Variants in AGMO observed in about 807,000 individuals in gnomAD.
AGMO encodes the protein glyceryl-ether monooxygenase.
A neutral mutation model predicts 60.2 loss-of-function variants in AGMO; 75 were observed. That is an observed-to-expected ratio of 1.25 (90% CI 1.03 to 1.51). AGMO has a LOEUF of 1.51. AGMO is among the 40% of genes most tolerant of loss of function. The pLI is 0.00. For synonymous variants in AGMO, 261 were observed against 177.1 expected (o/e 1.47, Z -3.76); for missense variants, 763 against 525.5 (o/e 1.45, Z -4.42).
chr7:15,394,145 A>T lies in AGMO; in HGVS notation c.644T>A (p.Leu215His). The T allele has an allele frequency of 2.5e-6, 4 of 1,612,664 alleles. No individual in the cohort carries two copies. The highest frequency in any genetic ancestry group is 3.4e-6 in the Non-Finnish European group (4 of 1,178,862). Reference sequence around the variant, plus strand: ...AACCCTATGATGGCTAGGAGTATTAAGAATCAGTTCCAAAGGACCAAGGTT... The same window carrying T: ...AACCCTATGATGGCTAGGAGTATTATGAATCAGTTCCAAAGGACCAAGGTT... The part of the protein sequence containing the change: ...INNLGPLELI[L>H]NTPSHHRVHH... The change falls in exon 6 of 13, where the codon CTT becomes CAT. Residue 215 changes from leucine to histidine, a missense_variant. Coordinates refer to ENST00000342526, the MANE Select transcript of AGMO (RefSeq NM_001004320.2).
rs1028956507 is a variant in AGMO, at chr7:15,328,181, T to G, written c.1263+37333A>C. Among the ~76,000 whole-genome samples the G allele has an allele frequency of 3.3e-5, 5 of 152,004 alleles. No individual in the cohort carries two copies. The East Asian group carries it at 9.7e-4, about 30-fold the overall frequency. On this transcript the variant is annotated intron_variant, in intron 12 of 12. Coordinates refer to ENST00000342526, the MANE Select transcript of AGMO (RefSeq NM_001004320.2). ...GGCACAATTTTGTCTCACTGCAACC[T>G]CAGCCTCTCAGGTTCAAGTGATTCT...
At chr7:15,264,869 T>C (rs1320895387) in intron 12 of AGMO, among the ~76,000 whole-genome samples, 3 of 151,948 alleles carry the variant, frequency 2.0e-5, no homozygotes, top group East Asian at 3.9e-4. Flanking sequence ...GGAAAGCAGT[T>C]TGGACATTTC....
At chr7:15,353,362 C>A (rs942881511) in intron 12 of AGMO, among the ~76,000 whole-genome samples, 1 of 152,066 alleles carries the variant, frequency 6.6e-6, no homozygotes, top group Admixed American at 6.5e-5. Flanking sequence ...TCTTTTTATC[C>A]AAACAATCTA....
chr7:15,300,272 G>A (rs1023973935), intron 12 of AGMO, among the ~76,000 whole-genome samples: 4 of 142,534 alleles, frequency 2.8e-5, no homozygotes, highest in Admixed American at 2.8e-4. Flanking sequence ...TAGCAAATAA[G>A]TCTACTAAAG....
chr7:15,150,688 G>C, the AGMO span, among the ~76,000 whole-genome samples: 1 of 152,226 alleles, frequency 6.6e-6, no homozygotes, highest in Middle Eastern at 3.4e-3. Flanking sequence ...TTAATGTACA[G>C]CTGGATTTGA....
At chr7:15,350,335 C>A (rs1782194717) in intron 12 of AGMO, among the ~76,000 whole-genome samples, 1 of 152,044 alleles carries the variant, frequency 6.6e-6, no homozygotes, top group Non-Finnish European at 1.5e-5. Context: ...AATCAGTTAA[C>A]ATAAAAGCAT....
intron 12 of AGMO, among the ~76,000 whole-genome samples, chr7:15,346,494 G>A (rs117939490): frequency 2.0e-5 from 3 of 151,520 alleles, no homozygotes; most frequent in African/African-American, 7.3e-5. Flanking sequence ...TCATTAGGAT[G>A]TTTTTAATTG....
chr7:15,151,534 A>T, the AGMO span, among the ~76,000 whole-genome samples: 9 of 151,656 alleles, frequency 5.9e-5, no homozygotes, highest in Non-Finnish European at 1.2e-4. Flanking sequence ...GTTTTAAAGA[A>T]TTTTTTTCTG....
intron 3 of AGMO, among the ~76,000 whole-genome samples, chr7:15,485,543 T>C (rs188122212): frequency 6.6e-6 from 1 of 152,268 alleles, no homozygotes; most frequent in East Asian, 1.9e-4. Flanking sequence ...GCTTTTTTGG[T>C]CAGGGAACCC....
intron 5 of AGMO, among the ~76,000 whole-genome samples, chr7:15,414,192 G>T (rs1234665627): frequency 2.0e-5 from 3 of 151,614 alleles, no homozygotes; most frequent in South Asian, 4.2e-4. Flanking sequence ...GTAGAGATGG[G>T]GTTTCATCAT....
chr7:15,276,728 A>G (rs1397661618), intron 12 of AGMO, among the ~76,000 whole-genome samples: 1 of 152,052 alleles, frequency 6.6e-6, no homozygotes, highest in Non-Finnish European at 1.5e-5. Flanking sequence ...AGCTTTGTTC[A>G]TATTTTTAAA....
intron 3 of AGMO, among the ~76,000 whole-genome samples, chr7:15,441,901 G>A (rs1781568181): frequency 1.3e-5 from 2 of 152,168 alleles, no homozygotes; most frequent in Admixed American, 1.3e-4. Context: ...AGCCTCCTGA[G>A]TGGATGTATA....
intron 12 of AGMO, among the ~76,000 whole-genome samples, chr7:15,345,908 G>T (rs144293856): frequency 8.5e-5 from 13 of 152,076 alleles, no homozygotes; most frequent in African/African-American, 3.1e-4. Context: ...TGTGAGTAAT[G>T]GCTGGATCTA....
At chr7:15,145,892 T>G in the AGMO span, among the ~76,000 whole-genome samples, 2 of 152,260 alleles carry the variant, frequency 1.3e-5, no homozygotes, top group East Asian at 3.9e-4. Context: ...TGGTATAGTA[T>G]GTTTTAAAGT....
the AGMO span, among the ~76,000 whole-genome samples, chr7:15,172,340 T>C: frequency 6.6e-6 from 1 of 152,298 alleles, no homozygotes; most frequent in East Asian, 1.9e-4. Flanking sequence ...AGCATACCTT[T>C]CCAATTCAGC....
chr7:15,507,957 T>C (rs1411005740), intron 3 of AGMO, among the ~76,000 whole-genome samples: 1 of 152,018 alleles, frequency 6.6e-6, no homozygotes, highest in Non-Finnish European at 1.5e-5. Context: ...GTGATGACTC[T>C]CAAGTGCTCA....
At chr7:15,341,892 A>C (rs2128549609) in intron 12 of AGMO, among the ~76,000 whole-genome samples, 1 of 152,144 alleles carries the variant, frequency 6.6e-6, no homozygotes, top group African/African-American at 2.4e-5. Context: ...AGACATATTC[A>C]CTATCATGAG....
At position 15,354,642 on chromosome 7, in the gene AGMO, T is replaced by A. The variant is rs560871644; in HGVS notation, c.1263+10872A>T. On this transcript the variant is annotated intron_variant, in intron 12 of 12. Coordinates refer to ENST00000342526, the MANE Select transcript of AGMO (RefSeq NM_001004320.2). The stretch of plus-strand genomic sequence containing the variant: ...TACCCTTATATTCTAAAAATATTCA[T>A]AAGGGTGGTAAGTGAAAGAAAACAA... Among the ~76,000 whole-genome samples the A allele has an allele frequency of 8.1e-4, 119 of 146,068 alleles. No individual in the cohort carries two copies. The South Asian group carries it at 0.024, about 30-fold the overall frequency.
At chr7:15,334,471 C>T (rs1781590187) in intron 12 of AGMO, among the ~76,000 whole-genome samples, 1 of 152,060 alleles carries the variant, frequency 6.6e-6, no homozygotes, top group Admixed American at 6.6e-5. Context: ...TAGAAAACAG[C>T]AATCTGTCAA....
Sources: allele counts gnomAD v4.1 joint callset (sites outside exome capture counted in the v4.1 genomes callset), GRCh38; gene constraint gnomAD v4.1.1; transcripts MANE v1.5; gene names NCBI Gene and HGNC (gene_info 2026-07-23, HGNC 2026-07-21).